MYOM2: variants seen among roughly 807,000 people sequenced by gnomAD.
MYOM2 encodes the protein myomesin-2.
A neutral mutation model predicts 187.6 loss-of-function variants in MYOM2; 254 were observed. That is an observed-to-expected ratio of 1.35 (90% CI 1.22 to 1.50). MYOM2 has a LOEUF of 1.50. MYOM2 is among the 40% of genes most tolerant of loss of function. The pLI, the probability that MYOM2 is intolerant of heterozygous loss-of-function variation, is 0.00. For missense variants in MYOM2, 2,796 were observed against 1,924.0 expected (o/e 1.45, Z -8.48); for synonymous variants, 981 against 753.8 (o/e 1.30, Z -4.94).
At chr8:2,121,138 T>G (rs1470517204) in intron 28 of MYOM2, among the ~76,000 whole-genome samples, 1 of 152,122 alleles carries the variant, frequency 6.6e-6, no homozygotes, top group Non-Finnish European at 1.5e-5. Flanking sequence ...AAAACAACTT[T>G]CTCAAATTAT....
At chr8:2,136,382 G>A in intron 32 of MYOM2, among the ~76,000 whole-genome samples, 1 of 152,202 alleles carries the variant, frequency 6.6e-6, no homozygotes, top group East Asian at 1.9e-4. Context: ...CATGTGGGGT[G>A]CCAGAAGTGC....
rs114701319 is a variant in MYOM2, at chr8:2,073,423, A to C, written c.1043A>C (p.Asp348Ala). Reference sequence around the variant, plus strand: ...CTGTCCTTCAGCCACCTGCACAAGGACGACGAGGGCCTGTACACCCTGCGC... The same window carrying C: ...CTGTCCTTCAGCCACCTGCACAAGGCCGACGAGGGCCTGTACACCCTGCGC... ...ASLSFSHLHK[D>A]DEGLYTLRIV... Residue 348 changes from aspartate to alanine, a missense_variant, in exon 10 of 37, where the codon GAC (aspartate) becomes GCC (alanine). Physicochemically the swap from Asp to Ala is moderately radical, Grantham distance 126. Coordinates refer to ENST00000262113, the MANE Select transcript of MYOM2 (RefSeq NM_003970.4). 33 of 1,613,084 alleles carry C rather than the reference A, an allele frequency of 2.0e-5. No homozygotes were observed. The African/African-American group carries it at 4.1e-4, about 20-fold the overall frequency.
At chr8:2,076,373 T>A in intron 11 of MYOM2, 91 bp downstream of exon 11, 1 of 1,476,570 alleles carries the variant, frequency 6.8e-7, no homozygotes, top group Non-Finnish European at 9.1e-7. Context: ...CAATGCAGGT[T>A]GACGTTCCCA....
intron 36 of MYOM2, among the ~76,000 whole-genome samples, 168 bp from the exon 37 acceptor site, chr8:2,144,496 C>T (rs1798386066): frequency 6.6e-6 from 1 of 152,168 alleles, no homozygotes; most frequent in African/African-American, 2.4e-5. Context: ...CTGTCCTCTG[C>T]CTGCTCTGTC....
At position 2,120,558 on chromosome 8, in the gene MYOM2, A is replaced by G. The variant is rs532859603; in HGVS notation, c.3453+2606A>G. Among the ~76,000 whole-genome samples the G allele has an allele frequency of 3.8e-3, 573 of 148,856 alleles. 3 individuals carry two copies. Among genetic ancestry groups the G allele is most frequent in the African/African-American group, 0.014 (561 of 40,396 alleles). ...TAGGTGGCTGTTGAACACACCCTAG[A>G]TAGGTGCAGGTTACTCCTAGAAATT... On this transcript the variant is annotated intron_variant, in intron 28 of 36. Coordinates refer to ENST00000262113, the MANE Select transcript of MYOM2 (RefSeq NM_003970.4).
At chr8:2,124,638 T>A (rs1053503908) in intron 31 of MYOM2, among the ~76,000 whole-genome samples, 2 of 152,212 alleles carry the variant, frequency 1.3e-5, no homozygotes, top group Admixed American at 1.3e-4. Flanking sequence ...GATTGCTGGA[T>A]CACATGTCAG....
intron 25 of MYOM2, among the ~76,000 whole-genome samples, chr8:2,115,250 T>A (rs1051155632): frequency 1.3e-5 from 2 of 151,550 alleles, no homozygotes; most frequent in Non-Finnish European, 2.9e-5. Context: ...TTAGTGAAGT[T>A]AAAAAGTTAA....
In MYOM2 at chr8:2,085,351, T is replaced by A; in HGVS notation, c.1605T>A (p.Thr535=). 1 of 1,613,938 alleles carries A rather than the reference T, an allele frequency of 6.2e-7. No homozygotes were observed. Among genetic ancestry groups the A allele is most frequent in the Non-Finnish European group, 8.5e-7 (1 of 1,179,968 alleles). The stretch of plus-strand genomic sequence containing the variant: ...TCGTCCTCAGCTGGGAGCCACCCAC[T>A]CCCCGTGGCAAGGACCCGCTCATGT... ...NYVVLSWEPP[T]PRGKDPLMYF... is the part of the protein sequence containing the mutation. Residue 535 remains threonine, a synonymous_variant, in exon 14 of 37, where the codon ACT becomes ACA. Coordinates refer to ENST00000262113, the MANE Select transcript of MYOM2 (RefSeq NM_003970.4).
rs1798243801 is a variant in MYOM2, at chr8:2,140,727, G to T, written c.3805G>T (p.Ala1269Ser). ...EMKVNWCHKD[A>S]KISSSEHMRI... ...GTTCCTGTTGCTCTTTTCAAGAGAT[G>T]CTAAGATCTCATCCAGTGAGCATAT... The change falls in exon 33 of 37, where the codon GCT becomes TCT. Residue 1269 changes from alanine to serine, a missense_variant. By Grantham distance (99) the Ala-to-Ser change is moderately conservative. Transcript: ENST00000262113. 3 of 1,613,738 alleles carry T rather than the reference G, an allele frequency of 1.9e-6. No homozygotes were observed. Among genetic ancestry groups the T allele is most frequent in the African/African-American group, 1.3e-5 (1 of 74,920 alleles).
intron 14 of MYOM2, among the ~76,000 whole-genome samples, chr8:2,086,415 CCCACTGTTGTGATCTCTGCGTGGCCCCCT>C (rs1796062563): frequency 7.3e-6 from 1 of 137,178 alleles, no homozygotes; most frequent in African/African-American, 3.1e-5. Context: ...TGCGTGGCCT[CCCACTGTTGTGATCTCTGCGTGGCCCCCT>C]ACTGTCGTGA....
chr8:2,067,180 T>G (rs1819046243), intron 6 of MYOM2, among the ~76,000 whole-genome samples: 1 of 152,236 alleles, frequency 6.6e-6, no homozygotes, highest in South Asian at 2.1e-4. Context: ...GAAAATATTT[T>G]CAGCACGTAT....
Position 2,123,354 on chromosome 8 carries a change from C to G in MYOM2, c.3556C>G (p.Leu1186Val). ...CCTGGAGAGGGGAATCTGTGAGCTCCTCATCCCAAAGGTATCAGGCATTGA... is the reference window on the plus strand; with the variant it reads ...CCTGGAGAGGGGAATCTGTGAGCTCGTCATCCCAAAGGTATCAGGCATTGA... ...PNLERGICEL[L>V]IPKLSKKDHG... Residue 1186 changes from leucine (L) to valine (V), a missense_variant, in exon 29 of 37, where the codon CTC becomes GTC. Leu to Val is a conservative substitution (Grantham distance 32). Transcript: ENST00000262113. 1 of 1,609,254 alleles carries G rather than the reference C, an allele frequency of 6.2e-7. No individual in the cohort carries two copies. The highest frequency in any genetic ancestry group is 1.7e-5 in the Admixed American group (1 of 59,492).
At chr8:2,077,371 C>T (rs778779299) in intron 11 of MYOM2, among the ~76,000 whole-genome samples, 13 of 151,976 alleles carry the variant, frequency 8.6e-5, no homozygotes, top group Non-Finnish European at 1.8e-4. Flanking sequence ...AAGGATGGTT[C>T]CTGGTAGAAA....
intron 13 of MYOM2, among the ~76,000 whole-genome samples, chr8:2,083,007 A>T (rs4876232): frequency 1.3e-5 from 2 of 152,174 alleles, no homozygotes; most frequent in Non-Finnish European, 2.9e-5. Flanking sequence ...TAGGAAAGTG[A>T]TATGTTTTTA....
rs371603946 is a variant in MYOM2, at chr8:2,080,846, T to C, written c.1516+1233T>C. On this transcript the variant is annotated intron_variant, in intron 13 of 36. Transcript: ENST00000262113. ...GGAGGAACAGGCAGCCCAGCCCGTG[T>C]AGAATGAGGTTTGGTTCTGATCTGC... is the stretch of plus-strand genomic sequence containing the variant. Among the ~76,000 whole-genome samples the C allele has an allele frequency of 2.2e-3, 274 of 121,986 alleles. 1 individual carries two copies. The highest frequency in any genetic ancestry group is 7.3e-3 in the African/African-American group (199 of 27,236). The allele number at this position is 121,986 out of a possible 152,430, so 80.0% of individuals were successfully genotyped here.
intron 13 of MYOM2, 101 bp downstream of exon 13, chr8:2,079,714 G>T: frequency 8.0e-7 from 1 of 1,245,758 alleles, no homozygotes; most frequent in Non-Finnish European, 1.2e-6. Context: ...ACTGGGCACG[G>T]CCTCTGCATG....
intron 32 of MYOM2, among the ~76,000 whole-genome samples, chr8:2,139,655 C>G (rs1191248934): frequency 2.6e-5 from 4 of 152,298 alleles, no homozygotes; most frequent in East Asian, 1.9e-4. Flanking sequence ...TGCGGCTGTT[C>G]TGGAGCTGGT....
chr8:2,053,260 A>C (rs1160763464), intron 3 of MYOM2, among the ~76,000 whole-genome samples: 1 of 152,248 alleles, frequency 6.6e-6, no homozygotes, highest in Non-Finnish European at 1.5e-5. Context: ...TATTTTTAAA[A>C]AATTGAATTT....
chr8:2,056,117 C>T lies in MYOM2; in HGVS notation c.264-1231C>T, dbSNP rs146859760. Among the ~76,000 whole-genome samples the T allele has an allele frequency of 1.2e-3, 183 of 152,258 alleles. 1 individual carries two copies. The highest frequency in any genetic ancestry group is 3.8e-3 in the African/African-American group (156 of 41,524). On this transcript the variant is annotated intron_variant, in intron 3 of 36. Transcript: ENST00000262113. Reference sequence around the variant, plus strand: ...GGTGAGAAGTAGCCAATCCTTTCTCCTGGGAAGGATAAAATGTATGCAAAT... The same window carrying T: ...GGTGAGAAGTAGCCAATCCTTTCTCTTGGGAAGGATAAAATGTATGCAAAT...
Sources: gnomAD v4.1 joint callset for allele counts (sites outside exome capture counted in the v4.1 genomes callset) on GRCh38, gnomAD v4.1.1 for gene constraint, MANE v1.5 for transcripts, NCBI Gene and HGNC (gene_info 2026-07-23, HGNC 2026-07-21) for gene names.